TTC23: variants seen among roughly 807,000 people sequenced by gnomAD.
The protein encoded by TTC23 is tetratricopeptide repeat protein 23.
Under a neutral mutation model 55.1 loss-of-function variants are expected in TTC23, and 58 were observed. That is an observed-to-expected ratio of 1.05 (90% CI 0.85 to 1.31). The LOEUF is 1.31. Ranked by LOEUF, TTC23 falls within the 50% of genes most tolerant of loss-of-function variation. TTC23 has a pLI of 0.00. For synonymous variants in TTC23, 203 were observed against 199.9 expected (o/e 1.02, Z -0.13); for missense variants, 516 against 534.4 (o/e 0.97, Z 0.34).
At chr15:99,142,734 A>G (rs1444632416) in intron 12 of TTC23, among the ~76,000 whole-genome samples, 2 of 152,240 alleles carry the variant, frequency 1.3e-5, no homozygotes, top group Non-Finnish European at 2.9e-5. Context: ...TGAGAAGGCA[A>G]CTGACAGTGC....
chr15:99,237,156 A>G (rs1567559955), intron 3 of TTC23, among the ~76,000 whole-genome samples: 1 of 151,700 alleles, frequency 6.6e-6, no homozygotes, highest in Non-Finnish European at 1.5e-5. Context: ...TAACTTTTGT[A>G]TTTTTAGTAG....
intron 12 of TTC23, among the ~76,000 whole-genome samples, chr15:99,141,490 T>C (rs2068226149): frequency 6.6e-6 from 1 of 152,212 alleles, no homozygotes; most frequent in Non-Finnish European, 1.5e-5. Flanking sequence ...TTATTTCTTA[T>C]ACTGAATGGT....
intron 1 of TTC23, among the ~76,000 whole-genome samples, chr15:99,246,525 G>C (rs1185511471): frequency 6.6e-6 from 1 of 151,940 alleles, no homozygotes; most frequent in African/African-American, 2.4e-5. Flanking sequence ...TGAGGCAGGA[G>C]AATCGCTTGA....
Position 99,218,491 on chromosome 15 carries a change from C to T in TTC23, c.581+97G>A, listed in dbSNP as rs183073604. On this transcript the variant is annotated intron_variant, in intron 8 of 13. Transcript: ENST00000394132. Reference sequence around the variant, plus strand: ...CAGTGACCTCCAGAGAAGCCATGGCCGCAGCCTCATGGAGATGCTCCTCCT... The same window carrying T: ...CAGTGACCTCCAGAGAAGCCATGGCTGCAGCCTCATGGAGATGCTCCTCCT... 2.0e-5 allele frequency: 31 copies of T among 1,513,702 alleles called. No individual in the cohort carries two copies. In the East Asian group the frequency reaches 3.2e-4, roughly 15 times the overall value. The allele number at this position is 1,513,702 out of a possible 1,614,324, so 93.8% of individuals were successfully genotyped here.
At chr15:99,209,942 A>T (rs1567492447) in intron 8 of TTC23, among the ~76,000 whole-genome samples, 1 of 152,060 alleles carries the variant, frequency 6.6e-6, no homozygotes, top group African/African-American at 2.4e-5. Flanking sequence ...TATTAATTTG[A>T]GACAGGGTTT....
At chr15:99,173,028 C>T (rs1298870351) in intron 10 of TTC23, among the ~76,000 whole-genome samples, 3 of 152,186 alleles carry the variant, frequency 2.0e-5, no homozygotes, top group African/African-American at 7.2e-5. Context: ...AGTGAGTACA[C>T]TGAGCACTGG....
At chr15:99,239,122 C>G (rs1211478356) in intron 3 of TTC23, among the ~76,000 whole-genome samples, 1 of 152,160 alleles carries the variant, frequency 6.6e-6, no homozygotes, top group Non-Finnish European at 1.5e-5. Flanking sequence ...AAAGGTCAAA[C>G]TGTGAGAATG....
chr15:99,228,661 C>T lies in TTC23; in HGVS notation c.52G>A (p.Ala18Thr). Residue 18 changes from alanine to threonine, a missense_variant, in exon 5 of 14, where the codon GCT becomes ACT. Coordinates refer to ENST00000394132, the MANE Select transcript of TTC23 (RefSeq NM_001288615.3). ...HISNHLDEVV[A>T]AVSITHRKKF... ...TTTCTATGAGTGATGCTAACAGCAG[C>T]AACAACTTCATCTAGGTGGTTGGAT... is the stretch of plus-strand genomic sequence containing the variant. 1 of 1,613,452 alleles carries T rather than the reference C, an allele frequency of 6.2e-7. No homozygotes were observed. The highest frequency in any genetic ancestry group is 1.1e-5 in the South Asian group (1 of 90,920).
intron 13 of TTC23, among the ~76,000 whole-genome samples, chr15:99,138,652 A>G (rs2067838015): frequency 6.6e-6 from 1 of 152,224 alleles, no homozygotes; most frequent in African/African-American, 2.4e-5. Flanking sequence ...ATCCTCACTG[A>G]GCTGAGGCCC....
At chr15:99,239,124 G>A (rs1026560239) in intron 3 of TTC23, among the ~76,000 whole-genome samples, 2 of 152,182 alleles carry the variant, frequency 1.3e-5, no homozygotes, top group Admixed American at 6.5e-5. Flanking sequence ...AGGTCAAACT[G>A]TGAGAATGCT....
intron 10 of TTC23, among the ~76,000 whole-genome samples, chr15:99,166,777 G>T (rs902253209): frequency 6.6e-6 from 1 of 152,190 alleles, no homozygotes; most frequent in Non-Finnish European, 1.5e-5. Context: ...GATAAGGCCA[G>T]ATAGAGGGTT....
At chr15:99,222,709 G>A (rs564693265) in intron 5 of TTC23, among the ~76,000 whole-genome samples, 1 of 152,124 alleles carries the variant, frequency 6.6e-6, no homozygotes, top group Non-Finnish European at 1.5e-5. Flanking sequence ...TTTAAAACAC[G>A]GTTCCAGGCT....
intron 8 of TTC23, among the ~76,000 whole-genome samples, chr15:99,201,146 T>G (rs1160796455): frequency 6.6e-6 from 1 of 152,244 alleles, no homozygotes; most frequent in African/African-American, 2.4e-5. Flanking sequence ...CAAACTTCTA[T>G]GAAAATGTGT....
At chr15:99,173,161 C>T (rs991384012) in intron 10 of TTC23, among the ~76,000 whole-genome samples, 27 of 152,206 alleles carry the variant, frequency 1.8e-4, no homozygotes, top group African/African-American at 6.3e-4. Context: ...TGCCAGTTTA[C>T]GCCCCCAAGG....
intron 1 of TTC23, among the ~76,000 whole-genome samples, chr15:99,247,069 C>A (rs1172353501): frequency 6.6e-6 from 1 of 152,146 alleles, no homozygotes; most frequent in African/African-American, 2.4e-5. Flanking sequence ...TGAAAAGATG[C>A]TTCATATCGT....
chr15:99,165,302 C>T (rs540938559), intron 10 of TTC23, among the ~76,000 whole-genome samples: 3 of 152,232 alleles, frequency 2.0e-5, no homozygotes, highest in African/African-American at 7.2e-5. Context: ...CAGCCCTGTA[C>T]ACCTCAAGAG....
At chr15:99,229,857 C>T (rs2078790007) in intron 4 of TTC23, among the ~76,000 whole-genome samples, 1 of 152,176 alleles carries the variant, frequency 6.6e-6, no homozygotes, top group African/African-American at 2.4e-5. Context: ...CGATAATTAG[C>T]TCTAGACTGA....
At chr15:99,235,383 T>C (rs1403782976) in intron 3 of TTC23, among the ~76,000 whole-genome samples, 1 of 151,522 alleles carries the variant, frequency 6.6e-6, no homozygotes, top group East Asian at 1.9e-4. Flanking sequence ...GGTTTGTTTT[T>C]GTTTTTGAGA....
At position 99,175,037 on chromosome 15, in the gene TTC23, G is replaced by A. The variant is rs768688786; in HGVS notation, c.865+13C>T. ...ATGCCTGTGAGACAGGAAGAGAAAA[G>A]GATTCTTCTCACCATGGTGCTCGTG... On this transcript the variant is annotated intron_variant, in intron 10 of 13. Transcript: ENST00000394132. 11 of 1,611,538 alleles carry A rather than the reference G, an allele frequency of 6.8e-6. No homozygotes were observed. In the East Asian group the frequency reaches 2.5e-4, roughly 36 times the overall value.
Sources: gnomAD v4.1 joint callset for allele counts (sites outside exome capture counted in the v4.1 genomes callset) on GRCh38, gnomAD v4.1.1 for gene constraint, MANE v1.5 for transcripts, NCBI Gene and HGNC (gene_info 2026-07-23, HGNC 2026-07-21) for gene names.